The following KCNIP4 variants were observed in gnomAD, a reference collection of about 807,000 sequenced individuals.
The protein encoded by KCNIP4 is potassium voltage-gated channel interacting protein 4, also known as Kv channel-interacting protein 4.
Under a neutral mutation model 34.0 loss-of-function variants are expected in KCNIP4, and 12 were observed. The observed-to-expected ratio is 0.35, with a 90% CI of 0.23 to 0.57. KCNIP4 has a LOEUF of 0.57. KCNIP4 is among the 20% of genes least tolerant of loss of function. KCNIP4 has a pLI of 0.83. For synonymous variants in KCNIP4, 124 were observed against 102.2 expected, an observed-to-expected ratio of 1.21 and a Z score of -1.29; for missense variants, 238 against 311.7, an observed-to-expected ratio of 0.76 and a Z score of 1.78.
At chr4:21,346,328 A>C (rs543160822) in intron 1 of KCNIP4, among the ~76,000 whole-genome samples, 72 of 92,630 alleles carry the variant, frequency 7.8e-4, no homozygotes, top group African/African-American at 2.7e-3. Flanking sequence ...CCTATATTCT[A>C]TTTATAGTGC....
chr4:21,535,327 G>A (rs1577549465), intron 1 of KCNIP4, among the ~76,000 whole-genome samples: 1 of 152,272 alleles, frequency 6.6e-6, no homozygotes, highest in Non-Finnish European at 1.5e-5. Flanking sequence ...AGGACTTGGA[G>A]AGAGTTAAAT....
chr4:20,914,259 C>T (rs370649017), intron 1 of KCNIP4, among the ~76,000 whole-genome samples: 8 of 152,098 alleles, frequency 5.3e-5, no homozygotes, highest in South Asian at 2.1e-4. Flanking sequence ...TTATTATGAT[C>T]GCTATAAACA....
At chr4:20,731,957 T>C in intron 8 of KCNIP4, 49 bp downstream of exon 8, 1 of 1,609,110 alleles carries the variant, frequency 6.2e-7, no homozygotes, top group Non-Finnish European at 8.5e-7. Flanking sequence ...ATACTCAGTT[T>C]AGCTGTTATG....
At chr4:21,637,272 A>C (rs1318701694) in intron 1 of KCNIP4, among the ~76,000 whole-genome samples, 2 of 152,186 alleles carry the variant, frequency 1.3e-5, no homozygotes, top group African/African-American at 2.4e-5. Flanking sequence ...ACCAAGTTTA[A>C]GAGAGTAAAT....
In KCNIP4 at chr4:20,950,815, A is replaced by G. The variant is rs554946442; in HGVS notation, c.62-68106T>C. Among the ~76,000 whole-genome samples, 5 of 152,264 alleles carry G rather than the reference A, an allele frequency of 3.3e-5. No individual in the cohort carries two copies. The East Asian group carries it at 5.8e-4, about 18-fold the overall frequency. On this transcript the variant is annotated intron_variant, in intron 1 of 8. Transcript: ENST00000382152. ...AACCAATTTGATGCTGAAATGGTCA[A>G]AAAGAAAAGTAACATTAAATGCAGG...
intron 1 of KCNIP4, among the ~76,000 whole-genome samples, chr4:21,041,275 A>G (rs115659492): frequency 7.1e-6 from 1 of 141,004 alleles, no homozygotes; most frequent in South Asian, 2.2e-4. Flanking sequence ...CGCACATGAA[A>G]ATAGTTTCAT....
intron 1 of KCNIP4, among the ~76,000 whole-genome samples, chr4:21,192,714 T>G (rs1755738405): frequency 6.6e-6 from 1 of 152,248 alleles, no homozygotes; most frequent in African/African-American, 2.4e-5. Context: ...TCACATGTAT[T>G]ACTTTATTCA....
At chr4:21,066,988 ACT>A (rs899389883) in intron 1 of KCNIP4, among the ~76,000 whole-genome samples, 13 of 151,970 alleles carry the variant, frequency 8.6e-5, no homozygotes, top group Non-Finnish European at 1.8e-4. Context: ...TCCAAAAGAG[ACT>A]CATTCCTTCT....
At chr4:21,733,435 A>G (rs59037882) in intron 1 of KCNIP4, among the ~76,000 whole-genome samples, 18,168 of 152,152 alleles carry the variant, frequency 0.12, 3,704 homozygotes, top group African/African-American at 0.41. Context: ...GTATACAGAT[A>G]CACACACACA....
intron 1 of KCNIP4, among the ~76,000 whole-genome samples, chr4:21,720,304 G>GA (rs200397593): frequency 2.0e-3 from 292 of 149,124 alleles, no homozygotes; most frequent in East Asian, 4.7e-3. Context: ...AATATAAATT[G>GA]AAAAAAAAAT....
At chr4:21,709,421 T>C (rs976701439) in intron 1 of KCNIP4, among the ~76,000 whole-genome samples, 3 of 152,178 alleles carry the variant, frequency 2.0e-5, no homozygotes, top group Non-Finnish European at 4.4e-5. Flanking sequence ...CCTGAAGACA[T>C]AGCAATTAAA....
At chr4:21,463,078 T>G (rs1324800786) in intron 1 of KCNIP4, among the ~76,000 whole-genome samples, 1 of 152,078 alleles carries the variant, frequency 6.6e-6, no homozygotes, top group Non-Finnish European at 1.5e-5. Flanking sequence ...TTTAATTTTT[T>G]GAGAAATCTC....
intron 1 of KCNIP4, among the ~76,000 whole-genome samples, chr4:21,921,555 C>T (rs1021716939): frequency 1.3e-5 from 2 of 152,052 alleles, no homozygotes; most frequent in Non-Finnish European, 2.9e-5. Flanking sequence ...GTTTTTCAGC[C>T]CCTTTCCATT....
intron 1 of KCNIP4, among the ~76,000 whole-genome samples, chr4:21,348,795 T>C (rs757430871): frequency 1.6e-4 from 25 of 152,182 alleles, no homozygotes; most frequent in Non-Finnish European, 2.8e-4. Flanking sequence ...CCATCTGGCC[T>C]ATGCTAGGAG....
chr4:20,797,741 G>A (rs1486498344), intron 3 of KCNIP4, among the ~76,000 whole-genome samples: 1 of 152,166 alleles, frequency 6.6e-6, no homozygotes, highest in East Asian at 1.9e-4. Flanking sequence ...GGAGCTAAGA[G>A]CAGTCCCTGG....
At chr4:21,790,806 A>G (rs1333102305) in intron 1 of KCNIP4, among the ~76,000 whole-genome samples, 7 of 152,040 alleles carry the variant, frequency 4.6e-5, no homozygotes, top group Non-Finnish European at 8.8e-5. Context: ...CTCATTTTCA[A>G]TACTCAAAGT....
At chr4:21,583,587 T>C (rs962832181) in intron 1 of KCNIP4, among the ~76,000 whole-genome samples, 12 of 152,140 alleles carry the variant, frequency 7.9e-5, no homozygotes, top group Non-Finnish European at 1.2e-4. Context: ...GGGAAAATGT[T>C]TTAACATCAG....
intron 2 of KCNIP4, among the ~76,000 whole-genome samples, chr4:20,875,310 C>A (rs1380037499): frequency 2.0e-5 from 3 of 152,184 alleles, no homozygotes; most frequent in Admixed American, 6.5e-5. Flanking sequence ...CCCCTACTCC[C>A]ATGCCTCTTG....
At chr4:21,239,529 G>GA (rs1434398753) in intron 1 of KCNIP4, among the ~76,000 whole-genome samples, 6 of 151,864 alleles carry the variant, frequency 4.0e-5, no homozygotes, top group African/African-American at 1.4e-4. Context: ...GAATTTACAA[G>GA]AAAAAAACAA....
Sources: allele counts gnomAD v4.1 joint callset (sites outside exome capture counted in the v4.1 genomes callset), GRCh38; gene constraint gnomAD v4.1.1; transcripts MANE v1.5; gene names NCBI Gene and HGNC (gene_info 2026-07-23, HGNC 2026-07-21).